The following RBM25 variants were observed in gnomAD, a reference collection of about 807,000 sequenced individuals.
The protein encoded by RBM25 is RNA-binding protein 25.
Under a neutral mutation model 120.7 loss-of-function variants are expected in RBM25, and 19 were observed. The ratio of observed to expected loss-of-function variants is 0.16; its 90% confidence interval spans 0.11 to 0.23. RBM25 has a LOEUF of 0.23. Ranked by LOEUF, RBM25 falls within the 10% of genes least tolerant of loss-of-function variation. RBM25 has a pLI of 1.00. For missense variants in RBM25, 605 were observed against 1,041.5 expected (o/e 0.58, Z 5.77); for synonymous variants, 390 against 326.7 (o/e 1.19, Z -2.09).
intron 7 of RBM25, among the ~76,000 whole-genome samples, chr14:73,098,897 G>A (rs1034924110): frequency 1.1e-4 from 17 of 152,256 alleles, no homozygotes; most frequent in African/African-American, 3.6e-4. Flanking sequence ...GTGAGCCACC[G>A]TGCCCGACCC....
At chr14:73,108,609 GT>G (rs770192892) in intron 13 of RBM25, among the ~76,000 whole-genome samples, 5 of 152,132 alleles carry the variant, frequency 3.3e-5, no homozygotes, top group Non-Finnish European at 7.3e-5. Context: ...CAAACTGTAA[GT>G]TCCCTGGGGA....
In RBM25 at chr14:73,119,834, G is replaced by C; in HGVS notation, c.*29G>C. 7 of 1,584,374 alleles carry C rather than the reference G, an allele frequency of 4.4e-6. No individual in the cohort carries two copies. Among genetic ancestry groups the C allele is most frequent in the Non-Finnish European group, 6.0e-6 (7 of 1,171,854 alleles). ...TTTTTATATTTAGAGTTCCATTTCAGATTTCTTCTTTGCCACCCTTTTAAG... is the reference window on the plus strand; with the variant it reads ...TTTTTATATTTAGAGTTCCATTTCACATTTCTTCTTTGCCACCCTTTTAAG... On this transcript the variant is annotated 3_prime_UTR_variant, in exon 19 of 19. Coordinates refer to ENST00000261973, the MANE Select transcript of RBM25 (RefSeq NM_021239.3).
At chr14:73,066,641 CA>C (rs1313438269) in intron 1 of RBM25, among the ~76,000 whole-genome samples, 9 of 47,748 alleles carry the variant, frequency 1.9e-4, no homozygotes, top group African/African-American at 5.3e-4. Context: ...AGCAAGACTC[CA>C]TCTCAAAAAA....
chr14:73,074,905 C>T (rs752239359), intron 2 of RBM25, among the ~76,000 whole-genome samples: 12 of 151,344 alleles, frequency 7.9e-5, no homozygotes, highest in Non-Finnish European at 1.3e-4. Flanking sequence ...GGGGTTTTGC[C>T]GTGTTGGCTC....
At chr14:73,073,105 T>C (rs908984211) in intron 2 of RBM25, among the ~76,000 whole-genome samples, 1 of 152,048 alleles carries the variant, frequency 6.6e-6, no homozygotes, top group African/African-American at 2.4e-5. Flanking sequence ...TTAAAAAACA[T>C]TTTATAAAGA....
intron 18 of RBM25, among the ~76,000 whole-genome samples, chr14:73,119,359 G>C (rs1473789570): frequency 3.3e-5 from 5 of 151,938 alleles, no homozygotes; most frequent in Non-Finnish European, 7.4e-5. Context: ...TCCGCCTCCT[G>C]GGTTCACGTC....
intron 1 of RBM25, among the ~76,000 whole-genome samples, chr14:73,069,011 C>G (rs919445916): frequency 1.3e-5 from 2 of 152,174 alleles, no homozygotes; most frequent in African/African-American, 4.8e-5. Context: ...TCAAGTGATT[C>G]TCTTGCCTCA....
chr14:73,073,123 CT>C (rs1450075696), intron 2 of RBM25, among the ~76,000 whole-genome samples: 2 of 152,076 alleles, frequency 1.3e-5, no homozygotes. Flanking sequence ...AGATGGGGGT[CT>C]CACCATCTTG....
intron 4 of RBM25, 59 bp downstream of exon 4, chr14:73,077,595 T>G (rs1895452503): frequency 7.0e-7 from 1 of 1,423,378 alleles, no homozygotes; most frequent in East Asian, 2.5e-5. Context: ...ATTTCAAACT[T>G]AAGCAGAAAG....
At chr14:73,059,015 CT>C (rs566355956) in intron 1 of RBM25, among the ~76,000 whole-genome samples, 334 of 152,294 alleles carry the variant, frequency 2.2e-3, no homozygotes, top group African/African-American at 7.5e-3. Flanking sequence ...TCTGCCCCCC[CT>C]GGGCTCCACG....
At chr14:73,090,091 C>G (rs1895776983) in intron 6 of RBM25, among the ~76,000 whole-genome samples, 1 of 151,608 alleles carries the variant, frequency 6.6e-6, no homozygotes, top group Non-Finnish European at 1.5e-5. Context: ...CGCTTTGTTG[C>G]CCAGACTGGA....
chr14:73,106,327 G>C (rs1269654016), intron 12 of RBM25, 42 bp downstream of exon 12: 1 of 1,492,330 alleles, frequency 6.7e-7, no homozygotes, highest in African/African-American at 1.4e-5. Context: ...CAGGTAAAAA[G>C]TCAGATTGTA....
At chr14:73,106,435 C>A in intron 12 of RBM25, 150 bp downstream of exon 12, 4 of 674,230 alleles carry the variant, frequency 5.9e-6, no homozygotes, top group South Asian at 5.1e-5. Context: ...AATTTTGAGC[C>A]AATTTAAGTA....
chr14:73,087,893 G>A, intron 5 of RBM25, 108 bp from the exon 6 acceptor site: 1 of 1,047,370 alleles, frequency 9.5e-7, no homozygotes, highest in East Asian at 2.6e-5. Flanking sequence ...TATGAATTGA[G>A]TGGTCTTTGT....
At chr14:73,101,083 T>C (rs1196689198) in intron 9 of RBM25, 1 of 152,222 alleles carries the variant, frequency 6.6e-6, no homozygotes, top group Non-Finnish European at 1.5e-5. Context: ...TTTGGGAATC[T>C]GTTAGGCATT....
chr14:73,110,044 C>A (rs1312565754), intron 14 of RBM25, among the ~76,000 whole-genome samples: 1 of 151,766 alleles, frequency 6.6e-6, no homozygotes, highest in Non-Finnish European at 1.5e-5. Flanking sequence ...GCCACCACTC[C>A]TGACTAATTT....
At chr14:73,103,127 GC>G in intron 9 of RBM25, 64 bp from the exon 10 acceptor site, 1 of 1,551,066 alleles carries the variant, frequency 6.4e-7, no homozygotes, top group Non-Finnish European at 8.7e-7. Context: ...TGGGCTTTGC[GC>G]CGGGAAAAAT....
intron 9 of RBM25, chr14:73,101,374 T>A (rs1896052333): frequency 6.6e-6 from 1 of 152,102 alleles, no homozygotes; most frequent in African/African-American, 2.4e-5. Context: ...TAAGGTAAGA[T>A]TTATGATTTT....
chr14:73,098,611 T>A (rs867520436), intron 7 of RBM25, among the ~76,000 whole-genome samples: 30 of 152,194 alleles, frequency 2.0e-4, no homozygotes, highest in African/African-American at 6.8e-4. Flanking sequence ...ATGTGTTTCC[T>A]CGTTTGGTCA....
Sources: gnomAD v4.1 joint callset for allele counts (sites outside exome capture counted in the v4.1 genomes callset) on GRCh38, gnomAD v4.1.1 for gene constraint, MANE v1.5 for transcripts, NCBI Gene and HGNC (gene_info 2026-07-23, HGNC 2026-07-21) for gene names.